Variants in NDC1 observed in about 807,000 individuals in gnomAD.
The protein encoded by NDC1 is NDC1 transmembrane nucleoporin.
NDC1 carries 24 observed loss-of-function variants against 89.8 expected under a neutral mutation model. The observed-to-expected ratio is 0.27, with a 90% CI of 0.19 to 0.38. The LOEUF (loss-of-function observed/expected upper bound fraction) is 0.38, where lower values mean the gene tolerates loss of function less well. Ranked by LOEUF, NDC1 falls within the 10% of genes least tolerant of loss-of-function variation. The pLI, the probability that NDC1 is intolerant of heterozygous loss-of-function variation, is 1.00. For synonymous variants in NDC1, 296 were observed against 284.8 expected, an observed-to-expected ratio of 1.04 and a Z score of -0.39; for missense variants, 728 against 797.6, an observed-to-expected ratio of 0.91 and a Z score of 1.05.
At chr1:53,816,212 T>C (rs1410599172) in intron 6 of NDC1, among the ~76,000 whole-genome samples, 2 of 152,122 alleles carry the variant, frequency 1.3e-5, no homozygotes, top group South Asian at 2.1e-4. Flanking sequence ...TATAAAGCCA[T>C]AGTCACCAAA....
At chr1:53,768,852 A>G (rs1224912874) in intron 17 of NDC1, among the ~76,000 whole-genome samples, 1 of 152,218 alleles carries the variant, frequency 6.6e-6, no homozygotes, top group East Asian at 1.9e-4. Context: ...GATGCCCTCT[A>G]GGTGCTAGTG....
intron 11 of NDC1, among the ~76,000 whole-genome samples, chr1:53,800,238 T>C (rs1321343865): frequency 2.0e-5 from 3 of 152,166 alleles, no homozygotes; most frequent in Non-Finnish European, 4.4e-5. Flanking sequence ...CGTCATTTTC[T>C]TGGTTCAATA....
At chr1:53,775,488 A>C (rs1647155085) in intron 16 of NDC1, among the ~76,000 whole-genome samples, 1 of 151,988 alleles carries the variant, frequency 6.6e-6, no homozygotes, top group Non-Finnish European at 1.5e-5. Context: ...TGAACTCCTG[A>C]CCTCAAGTGA....
At chr1:53,806,732 C>T (rs112940369) in intron 8 of NDC1, among the ~76,000 whole-genome samples, 1 of 152,042 alleles carries the variant, frequency 6.6e-6, no homozygotes, top group Non-Finnish European at 1.5e-5. Context: ...ATAATAAAAA[C>T]CACTTTCACA....
chr1:53,825,875 C>G lies in NDC1; in HGVS notation c.517G>C (p.Gly173Arg). Reference protein sequence around the residue: ...NEYHLFFLLTGAFMGYSYSLL... With the variant: ...NEYHLFFLLTRAFMGYSYSLL... The stretch of plus-strand genomic sequence containing the variant: ...CTATAGCTATAGCCCATAAATGCTC[C>G]AGTCAGTAGGAAAAAAAGATGATAT... The change falls in exon 5 of 18, where the codon GGA becomes CGA. Residue 173 changes from glycine to arginine, a missense_variant. Transcript: ENST00000371429. 1 of 1,610,856 alleles carries G rather than the reference C, an allele frequency of 6.2e-7. No homozygotes were observed. The highest frequency in any genetic ancestry group is 8.5e-7 in the Non-Finnish European group (1 of 1,178,930).
intron 6 of NDC1, among the ~76,000 whole-genome samples, chr1:53,811,075 A>C (rs915152846): frequency 6.6e-6 from 1 of 152,162 alleles, no homozygotes; most frequent in African/African-American, 2.4e-5. Flanking sequence ...CAGTTTAGAG[A>C]GTCAAGCGAA....
intron 6 of NDC1, among the ~76,000 whole-genome samples, chr1:53,810,201 G>A (rs1235881779): frequency 6.6e-6 from 1 of 152,184 alleles, no homozygotes; most frequent in Non-Finnish European, 1.5e-5. Flanking sequence ...GCATGTAGTT[G>A]TGTTGCCTCC....
rs1223818379 is a variant in NDC1, at chr1:53,766,316, C to T, written c.*1654G>A. 1.3e-5 allele frequency: 2 copies of T among 152,130 alleles called. No individual in the cohort carries two copies. Among genetic ancestry groups the T allele is most frequent in the African/African-American group, 2.4e-5 (1 of 41,414 alleles). The allele number at this position is 152,130 out of a possible 1,614,324, so 9.4% of individuals were successfully genotyped here. A position where few individuals can be genotyped will look rare whatever the true frequency, so the allele number is the denominator to read the frequency against. On this transcript the variant is annotated 3_prime_UTR_variant, in exon 18 of 18. Coordinates refer to ENST00000371429, the MANE Select transcript of NDC1 (RefSeq NM_018087.5). The stretch of plus-strand genomic sequence containing the variant: ...TTCAGAGTCCTTGTCTCCCAAAATG[C>T]CTCAGCCAGGGTCAGCACAGAGAGT...
intron 1 of NDC1, among the ~76,000 whole-genome samples, 161 bp downstream of exon 1, chr1:53,838,043 TC>T (rs1160968793): frequency 1.3e-5 from 2 of 152,176 alleles, no homozygotes; most frequent in Admixed American, 6.5e-5. Flanking sequence ...ACTCAGGACT[TC>T]CCACAACCCT....
At chr1:53,771,019 AATGT>A (rs1647108802) in intron 17 of NDC1, 1 of 151,396 alleles carries the variant, frequency 6.6e-6, no homozygotes, top group African/African-American at 2.5e-5. Flanking sequence ...CCCCCAGGGG[AATGT>A]TACAGTCCTG....
intron 6 of NDC1, among the ~76,000 whole-genome samples, chr1:53,811,707 G>A (rs535624557): frequency 3.4e-4 from 51 of 151,230 alleles, no homozygotes; most frequent in Non-Finnish European, 4.9e-4. Context: ...ATAATCTTGG[G>A]AGTTCTAGGG....
chr1:53,800,105 T>C (rs2100655040), intron 11 of NDC1, among the ~76,000 whole-genome samples: 1 of 152,230 alleles, frequency 6.6e-6, no homozygotes, highest in South Asian at 2.1e-4. Context: ...TTTGGTAGTG[T>C]TTTTAATGCT....
intron 5 of NDC1, among the ~76,000 whole-genome samples, chr1:53,821,553 G>A (rs1220547032): frequency 6.6e-6 from 1 of 152,176 alleles, no homozygotes; most frequent in Non-Finnish European, 1.5e-5. Flanking sequence ...ATGTGGAATT[G>A]CACTATTCTG....
Position 53,787,075 on chromosome 1 carries a change from A to T in NDC1, c.1800+83T>A, listed in dbSNP as rs895636196. On this transcript the variant is annotated intron_variant, in intron 16 of 17. Transcript: ENST00000371429. ...TTCCAACATGTTTTGTCACTCGATA[A>T]ATGTGATATATAGGAAACAAACAAA... 8 of 649,904 alleles carry T rather than the reference A, an allele frequency of 1.2e-5. No individual in the cohort carries two copies. The African/African-American group carries it at 1.5e-4, about 12-fold the overall frequency. The allele number at this position is 649,904 out of a possible 1,614,324, so 40.3% of individuals were successfully genotyped here. A position where few individuals can be genotyped will look rare whatever the true frequency, so the allele number is the denominator to read the frequency against.
intron 9 of NDC1, among the ~76,000 whole-genome samples, chr1:53,806,103 T>C (rs1302127587): frequency 6.6e-6 from 1 of 152,212 alleles, no homozygotes; most frequent in African/African-American, 2.4e-5. Flanking sequence ...TATTTTGTTA[T>C]GCTATCATGA....
chr1:53,789,328 T>G, intron 14 of NDC1, 132 bp from the exon 15 acceptor site: 37 of 554,746 alleles, frequency 6.7e-5, no homozygotes, highest in East Asian at 1.3e-4. Context: ...TTAAAATAAA[T>G]TCTTTTATAT....
chr1:53,810,149 G>C (rs144374456), intron 6 of NDC1, among the ~76,000 whole-genome samples: 20 of 152,246 alleles, frequency 1.3e-4, no homozygotes, highest in African/African-American at 3.9e-4. Context: ...GTTGCTGATT[G>C]GTCACTTGGA....
rs193098083 is a variant in NDC1 at position 53,766,682 on chromosome 1, G to A, written c.*1288C>T. ...TTCAATTATAAAGATATAATACATC[G>A]ATGAATCAGACAAAAGTAGACATAT... On this transcript the variant is annotated 3_prime_UTR_variant, in exon 18 of 18. Transcript: ENST00000371429. The A allele has an allele frequency of 2.0e-5, 3 of 152,210 alleles. No individual in the cohort carries two copies. Among genetic ancestry groups the A allele is most frequent in the East Asian group, 1.9e-4 (1 of 5,182 alleles). The allele number at this position is 152,210 out of a possible 1,614,324, so 9.4% of individuals were successfully genotyped here.
chr1:53,769,600 T>A (rs1647095738), intron 17 of NDC1, among the ~76,000 whole-genome samples: 1 of 152,206 alleles, frequency 6.6e-6, no homozygotes, highest in African/African-American at 2.4e-5. Context: ...GCTGTGTTTG[T>A]TAGTTGATTT....
Sources: gnomAD v4.1 joint callset for allele counts (sites outside exome capture counted in the v4.1 genomes callset) on GRCh38, gnomAD v4.1.1 for gene constraint, MANE v1.5 for transcripts, NCBI Gene and HGNC (gene_info 2026-07-23, HGNC 2026-07-21) for gene names.